Variants in MTOR observed in about 807,000 individuals in gnomAD.
MTOR encodes the protein serine/threonine-protein kinase mTOR.
A neutral mutation model predicts 319.8 loss-of-function variants in MTOR; 70 were observed. That is an observed-to-expected ratio of 0.22 (90% confidence interval 0.18 to 0.27). MTOR has a LOEUF of 0.27. Among genes scored for constraint, MTOR ranks in the 10% least tolerant of loss-of-function variants. The probability of loss-of-function intolerance (pLI) is 1.00; values close to 1 mark genes in which losing one functional copy is unlikely to be tolerated. For missense variants in MTOR, 1,890 were observed against 3,274.4 expected (o/e 0.58, Z 10.32); for synonymous variants, 1,183 against 1,211.4 (o/e 0.98, Z 0.49).
At chr1:11,178,086 A>G (rs1645042728) in intron 28 of MTOR, among the ~76,000 whole-genome samples, 1 of 152,178 alleles carries the variant, frequency 6.6e-6, no homozygotes, top group Admixed American at 6.5e-5. Flanking sequence ...ATGGCTGGTT[A>G]GCAGCAGCAC....
intron 18 of MTOR, among the ~76,000 whole-genome samples, chr1:11,229,442 T>C (rs1305968244): frequency 6.6e-6 from 1 of 151,630 alleles, no homozygotes; most frequent in African/African-American, 2.4e-5. Flanking sequence ...ACATGAAGAG[T>C]GCAGCGAGGA....
At chr1:11,140,234 A>G (rs1176576790) in intron 34 of MTOR, among the ~76,000 whole-genome samples, 1 of 146,576 alleles carries the variant, frequency 6.8e-6, no homozygotes, top group Non-Finnish European at 1.5e-5. Context: ...CTGTGAGTGA[A>G]ATACCCTTAG....
Position 11,199,272 on chromosome 1 carries a change from T to C in MTOR, c.4239A>G (p.Leu1413=). 1 of 1,614,224 alleles carries C rather than the reference T, an allele frequency of 6.2e-7. No individual in the cohort carries two copies. The highest frequency in any genetic ancestry group is 1.6e-4 in the Middle Eastern group (1 of 6,062). Reference sequence around the variant, plus strand: ...TTATGGCCTACCTGATGAGAGATTCTAGAATGGCAGGGGTGGGGCCTTTCT... The same window carrying C: ...TTATGGCCTACCTGATGAGAGATTCCAGAATGGCAGGGGTGGGGCCTTTCT... The part of the protein sequence containing the change: ...EFQKGPTPAI[L]ESLISINNKL... Residue 1413 remains leucine (L), a synonymous_variant, in exon 28 of 58, where the codon CTA becomes CTG. Transcript: ENST00000361445. The surrounding 1 kb of genome is among the most constrained non-coding windows in gnomAD (Gnocchi z 4.5).
chr1:11,141,649 A>G (rs1162255768), intron 34 of MTOR, among the ~76,000 whole-genome samples: 2 of 151,076 alleles, frequency 1.3e-5, no homozygotes, highest in Admixed American at 1.3e-4. Flanking sequence ...GATTACAGGC[A>G]TGAGCCACTG....
At chr1:11,234,362 A>G in intron 13 of MTOR, 97 bp from the exon 14 acceptor site, 2 of 1,408,348 alleles carry the variant, frequency 1.4e-6, no homozygotes, top group Non-Finnish European at 9.6e-7. Flanking sequence ...TGGGGGAAAA[A>G]CCCAGACCTC....
At chr1:11,242,615 C>G (rs1431221199) in intron 9 of MTOR, among the ~76,000 whole-genome samples, 2 of 150,718 alleles carry the variant, frequency 1.3e-5, no homozygotes, top group African/African-American at 4.9e-5. Flanking sequence ...ATGATGAACA[C>G]TGACCCCCTC....
Position 11,121,346 on chromosome 1 carries a change from A to G in MTOR, c.6833T>C (p.Leu2278Ser). Residue 2278 changes from leucine to serine, a missense_variant, in exon 49 of 58, where the codon TTG becomes TCG. Around this residue, in one of 15 missense-constraint regions of MTOR, gnomAD observed 249 missense variants for 596.2 expected, o/e 0.42. Transcript: ENST00000361445. The surrounding 1 kb of genome is among the most constrained non-coding windows in gnomAD (Gnocchi z 4.9). Reference protein sequence around the residue: ...MLRMAPDYDHLTLMQKVEVFE... With the variant: ...MLRMAPDYDHSTLMQKVEVFE... ...CACCTCCACCTTCTGCATCAGAGTC[A>G]AGTGGTCATAGTCCGGAGCCATCTG... 1 of 1,614,154 alleles carries G rather than the reference A, an allele frequency of 6.2e-7. No individual in the cohort carries two copies. The highest frequency in any genetic ancestry group is 8.5e-7 in the Non-Finnish European group (1 of 1,180,032).
chr1:11,232,893 A>T (rs969176533), intron 15 of MTOR: 9 of 572,490 alleles, frequency 1.6e-5, no homozygotes, highest in African/African-American at 5.8e-5. Flanking sequence ...TAAAATAAAA[A>T]ATTTTTTTTA....
intron 34 of MTOR, among the ~76,000 whole-genome samples, chr1:11,140,294 A>T (rs1643630632): frequency 8.7e-6 from 1 of 115,582 alleles, no homozygotes; most frequent in African/African-American, 3.3e-5. Flanking sequence ...TGTGGAAGAC[A>T]ATTATTCCAC....
chr1:11,210,443 G>A (rs1646273163), intron 24 of MTOR, among the ~76,000 whole-genome samples: 1 of 152,186 alleles, frequency 6.6e-6, no homozygotes. Context: ...CCCTCTGCCT[G>A]TTTTTATATA....
intron 29 of MTOR, among the ~76,000 whole-genome samples, chr1:11,158,704 T>C (rs1644388171): frequency 6.6e-6 from 1 of 151,876 alleles, no homozygotes; most frequent in South Asian, 2.1e-4. Context: ...TCATTTCAAA[T>C]TTCTATACTG....
chr1:11,121,443 TG>T lies in MTOR; in HGVS notation c.6811-76del, dbSNP rs1379777889. ...TTTGGGTCCAGGAAGAAACAAGGCTTGGGGTCCAGGCAGAGCTGAGTTCTAA... is the reference window on the plus strand; with the variant it reads ...TTTGGGTCCAGGAAGAAACAAGGCTTGGGTCCAGGCAGAGCTGAGTTCTAA... On this transcript the variant is annotated intron_variant, in intron 48 of 57. Transcript: ENST00000361445. This position sits in a 1 kb window ranked among gnomAD's most constrained non-coding sequence, Gnocchi z 4.9. 1.9e-6 allele frequency: 3 copies of T among 1,588,608 alleles called. No individual in the cohort carries two copies. The highest frequency in any genetic ancestry group is 2.7e-5 in the African/African-American group (2 of 74,414).
chr1:11,127,593 G>T lies in MTOR; in HGVS notation c.6216+31C>A. 1.3e-6 allele frequency: 2 copies of T among 1,578,834 alleles called. No individual in the cohort carries two copies. Among genetic ancestry groups the T allele is most frequent in the Non-Finnish European group, 1.7e-6 (2 of 1,164,726 alleles). Reference sequence around the variant, plus strand: ...TTTAGTGGCAGAATATTTCTACAGGGTTATGTCCTTTCGTGTTTTTTACCC... The same window carrying T: ...TTTAGTGGCAGAATATTTCTACAGGTTTATGTCCTTTCGTGTTTTTTACCC... On this transcript the variant is annotated intron_variant, in intron 44 of 57. Transcript: ENST00000361445. This position sits in a 1 kb window ranked among gnomAD's most constrained non-coding sequence, Gnocchi z 5.5.
intron 13 of MTOR, 138 bp from the exon 14 acceptor site, chr1:11,234,403 A>C: frequency 2.1e-6 from 2 of 971,720 alleles, no homozygotes; most frequent in Non-Finnish European, 3.1e-6. Flanking sequence ...CTAGATACTC[A>C]ATGAGCAACA....
intron 10 of MTOR, 48 bp downstream of exon 10, chr1:11,241,505 G>C (rs1648027093): frequency 6.4e-7 from 1 of 1,569,312 alleles, no homozygotes. Context: ...AACACTGGGG[G>C]CCAAGCCTCA....
At chr1:11,139,754 C>T in intron 34 of MTOR, 96 bp from the exon 35 acceptor site, 3 of 1,501,478 alleles carry the variant, frequency 2.0e-6, no homozygotes, top group Non-Finnish European at 2.7e-6. Flanking sequence ...TGCAGTGGTG[C>T]AATCTTGGCT....
chr1:11,246,810 T>C (rs1648893254), intron 8 of MTOR, among the ~76,000 whole-genome samples: 2 of 152,222 alleles, frequency 1.3e-5, no homozygotes, highest in African/African-American at 4.8e-5. Context: ...GGACATTAAG[T>C]ATGAACAGGC....
At chr1:11,219,580 A>T (rs897003915) in intron 19 of MTOR, among the ~76,000 whole-genome samples, 17 of 152,336 alleles carry the variant, frequency 1.1e-4, no homozygotes, top group Admixed American at 5.2e-4. Flanking sequence ...TGAATATGCT[A>T]TATGATTCGA....
intron 19 of MTOR, among the ~76,000 whole-genome samples, chr1:11,227,526 A>G (rs913784235): frequency 6.6e-6 from 1 of 152,164 alleles, no homozygotes; most frequent in Admixed American, 6.5e-5. Context: ...CACCCTTAGT[A>G]GAGTGTATTC....
Sources: gnomAD v4.1 joint callset for allele counts (sites outside exome capture counted in the v4.1 genomes callset) on GRCh38, gnomAD v4.1.1 for gene constraint, gnomAD v4.1.1 regional missense constraint, Gnocchi (gnomAD v3.1) non-coding constraint, MANE v1.5 for transcripts, NCBI Gene and HGNC (gene_info 2026-07-23, HGNC 2026-07-21) for gene names.